The following AXDND1 variants were observed in gnomAD, a reference collection of about 807,000 sequenced individuals.
AXDND1 encodes the protein axonemal dynein light chain domain-containing protein 1.
AXDND1 carries 110 observed loss-of-function variants against 137.5 expected under a neutral mutation model. The ratio of observed to expected loss-of-function variants is 0.80; its 90% CI spans 0.69 to 0.94. The LOEUF (loss-of-function observed/expected upper bound fraction) is 0.94, where lower values mean the gene tolerates loss of function less well. Among genes scored for constraint, AXDND1 ranks in the 40% least tolerant of loss-of-function variants. The pLI, the probability that AXDND1 is intolerant of heterozygous loss-of-function variation, is 0.00. For synonymous variants in AXDND1, 414 were observed against 399.7 expected, an observed-to-expected ratio of 1.04 and a Z score of -0.43; for missense variants, 1,191 against 1,169.8, an observed-to-expected ratio of 1.02 and a Z score of -0.26.
chr1:179,476,689 G>A (rs1369412560), intron 17 of AXDND1, among the ~76,000 whole-genome samples: 1 of 151,850 alleles, frequency 6.6e-6, no homozygotes, highest in Admixed American at 6.6e-5. Flanking sequence ...CTGCTTTTTG[G>A]CACCTATTGT....
At chr1:179,497,613 C>G (rs1667574575) in intron 20 of AXDND1, among the ~76,000 whole-genome samples, 1 of 152,012 alleles carries the variant, frequency 6.6e-6, no homozygotes. Context: ...ACAAGGATGC[C>G]CAGTCTTACT....
At chr1:179,552,420 G>A (rs1673422844) in intron 25 of AXDND1, 2 of 639,368 alleles carry the variant, frequency 3.1e-6, no homozygotes, top group Non-Finnish European at 5.7e-6. Flanking sequence ...GAGAGGGAGA[G>A]GAGTTGCATT....
intron 16 of AXDND1, chr1:179,448,092 A>T (rs944714491): frequency 1.5e-5 from 15 of 1,033,498 alleles, no homozygotes; most frequent in Non-Finnish European, 2.3e-5. Flanking sequence ...GCATCATATT[A>T]TCAAATTCCT....
At chr1:179,519,055 A>T (rs1258912533) in intron 21 of AXDND1, among the ~76,000 whole-genome samples, 1 of 152,080 alleles carries the variant, frequency 6.6e-6, no homozygotes, top group Admixed American at 6.5e-5. Context: ...AGCATCTGTT[A>T]TTTTTTGACT....
Position 179,383,449 on chromosome 1 carries a change from A to G in AXDND1, c.646A>G (p.Asn216Asp). 6.2e-7 allele frequency: 1 copy of G among 1,613,132 alleles called. No individual in the cohort carries two copies. Among genetic ancestry groups the G allele is most frequent in the South Asian group, 1.1e-5 (1 of 91,048 alleles). The change falls in exon 8 of 26, where the codon AAT (asparagine) becomes GAT (aspartate). Residue 216 changes from asparagine (N) to aspartate (D), a missense_variant. Transcript: ENST00000367618. Reference protein sequence around the residue: ...RLLLFPSMKPNKRVEVAQLND... With the variant: ...RLLLFPSMKPDKRVEVAQLND... ...GCCACCTTAATTTTTTAGGAAACCT[A>G]ATAAAAGAGTAGAAGTGGCCCAGCT...
At chr1:179,456,416 A>G (rs937093101) in intron 16 of AXDND1, 5 of 774,522 alleles carry the variant, frequency 6.5e-6, no homozygotes, top group African/African-American at 3.4e-5. Context: ...AGCTTCCACT[A>G]CCTCCAAAAC....
At chr1:179,482,044 A>C (rs920176063) in intron 17 of AXDND1, among the ~76,000 whole-genome samples, 2 of 150,946 alleles carry the variant, frequency 1.3e-5, no homozygotes, top group African/African-American at 4.9e-5. Context: ...GAACATCTTC[A>C]GGCTACGTTG....
chr1:179,538,810 T>A, intron 25 of AXDND1, among the ~76,000 whole-genome samples: 3 of 151,518 alleles, frequency 2.0e-5, no homozygotes, highest in Admixed American at 1.3e-4. Context: ...TCTCCCACTA[T>A]TATTGTGTGG....
chr1:179,414,493 C>T lies in AXDND1; in HGVS notation c.1230+3227C>T, dbSNP rs148415423. ...ATGCTGGAGTGCAGTGGCATGATCT[C>T]GGCTCACTGCAGGCTCCGCCCCCTG... On this transcript the variant is annotated intron_variant, in intron 12 of 25. Coordinates refer to ENST00000367618, the MANE Select transcript of AXDND1 (RefSeq NM_144696.6). Among the ~76,000 whole-genome samples, 1,311 of 152,128 alleles carry T rather than the reference C, an allele frequency of 8.6e-3. 41 individuals carry two copies. Among genetic ancestry groups the T allele is most frequent in the Admixed American group, 0.055 (845 of 15,262 alleles).
chr1:179,438,781 C>G (rs1224443520), intron 15 of AXDND1, among the ~76,000 whole-genome samples: 3 of 151,610 alleles, frequency 2.0e-5, no homozygotes, highest in Non-Finnish European at 2.9e-5. Flanking sequence ...TATTGTTTAC[C>G]TGGAGCTGGT....
chr1:179,503,774 T>C (rs1181135731), intron 20 of AXDND1, among the ~76,000 whole-genome samples: 1 of 152,124 alleles, frequency 6.6e-6, no homozygotes, highest in Non-Finnish European at 1.5e-5. Flanking sequence ...TTCTCATTGT[T>C]CAATTCCCAC....
At chr1:179,463,344 G>A (rs1662644179) in intron 16 of AXDND1, among the ~76,000 whole-genome samples, 2 of 152,110 alleles carry the variant, frequency 1.3e-5, no homozygotes, top group Non-Finnish European at 2.9e-5. Flanking sequence ...GTTTCGAAGA[G>A]CATCTTTATT....
At chr1:179,448,546 A>G (rs934527980) in intron 16 of AXDND1, 19 of 321,088 alleles carry the variant, frequency 5.9e-5, no homozygotes, top group Non-Finnish European at 9.8e-5. Context: ...TTCAGCTTCT[A>G]CTCCAAGGGC....
At chr1:179,429,253 A>G (rs1657037460) in intron 12 of AXDND1, among the ~76,000 whole-genome samples, 1 of 152,184 alleles carries the variant, frequency 6.6e-6, no homozygotes, top group African/African-American at 2.4e-5. Context: ...AAAGCATTTG[A>G]GAGTATAAAG....
At chr1:179,419,863 T>C (rs1655407704) in intron 12 of AXDND1, among the ~76,000 whole-genome samples, 1 of 152,184 alleles carries the variant, frequency 6.6e-6, no homozygotes, top group Non-Finnish European at 1.5e-5. Context: ...AGTCTTTAGG[T>C]TTTTTAAAGT....
At chr1:179,426,210 C>A (rs1345449046) in intron 12 of AXDND1, among the ~76,000 whole-genome samples, 1 of 151,958 alleles carries the variant, frequency 6.6e-6, no homozygotes, top group Non-Finnish European at 1.5e-5. Flanking sequence ...GAAATAAAAG[C>A]AAATAACAAA....
chr1:179,371,407 G>A (rs977859708), intron 4 of AXDND1, among the ~76,000 whole-genome samples: 8 of 151,986 alleles, frequency 5.3e-5, no homozygotes, highest in African/African-American at 1.7e-4. Context: ...CAGCCTGGGC[G>A]ACCCAGCGAG....
intron 25 of AXDND1, among the ~76,000 whole-genome samples, chr1:179,541,129 G>T (rs531316484): frequency 6.6e-6 from 1 of 152,178 alleles, no homozygotes; most frequent in Non-Finnish European, 1.5e-5. Flanking sequence ...TGGGGGACCC[G>T]CTGAGCCAGG....
intron 16 of AXDND1, among the ~76,000 whole-genome samples, chr1:179,466,326 C>T (rs1019193791): frequency 8.3e-6 from 1 of 120,750 alleles, no homozygotes; most frequent in Non-Finnish European, 1.6e-5. Flanking sequence ...AATTATGTTG[C>T]CTAGGCTGCT....
Sources: allele counts gnomAD v4.1 joint callset (sites outside exome capture counted in the v4.1 genomes callset), GRCh38; gene constraint gnomAD v4.1.1; transcripts MANE v1.5; gene names NCBI Gene and HGNC (gene_info 2026-07-23, HGNC 2026-07-21).